Variants in PAFAH1B1 observed in about 807,000 individuals in gnomAD.
The protein encoded by PAFAH1B1 is platelet activating factor acetylhydrolase 1b regulatory subunit 1.
PAFAH1B1 carries 2 observed loss-of-function variants against 57.5 expected under a neutral mutation model. The observed-to-expected ratio is 0.03, with a 90% CI of 0.01 to 0.11. PAFAH1B1 has a LOEUF of 0.11. Ranked by LOEUF, PAFAH1B1 falls within the 10% of genes least tolerant of loss-of-function variation. The pLI is 1.00. For missense variants in PAFAH1B1, 257 were observed against 512.0 expected, an observed-to-expected ratio of 0.50 and a Z score of 4.81; for synonymous variants, 152 against 169.6, an observed-to-expected ratio of 0.90 and a Z score of 0.81.
intron 2 of PAFAH1B1, among the ~76,000 whole-genome samples, chr17:2,663,835 C>G (rs1180917721): frequency 2.6e-5 from 4 of 152,008 alleles, no homozygotes; most frequent in African/African-American, 9.7e-5. Context: ...GCTGGGACTA[C>G]AGGCGCATAC....
chr17:2,604,834 G>A (rs1425585388), intron 1 of PAFAH1B1, among the ~76,000 whole-genome samples: 4 of 152,104 alleles, frequency 2.6e-5, no homozygotes, highest in Admixed American at 6.6e-5. Flanking sequence ...TGGAGTGAAC[G>A]TGGGAGGTCA....
At position 2,610,082 on chromosome 17, in the gene PAFAH1B1, C is replaced by T. The variant is rs560045785; in HGVS notation, c.-191+16076C>T. ...CAAATTATTTGCCCACCTCAGCTTCCCAAAGTGGTCAGATTACTGGCGTGA... is the reference window on the plus strand; with the variant it reads ...CAAATTATTTGCCCACCTCAGCTTCTCAAAGTGGTCAGATTACTGGCGTGA... On this transcript the variant is annotated intron_variant, in intron 1 of 10. Transcript: ENST00000397195. 3.3e-5 allele frequency among the ~76,000 whole-genome samples: 5 copies of T among 152,330 alleles called. No homozygotes were observed. The South Asian group carries it at 1.0e-3, about 32-fold the overall frequency.
At chr17:2,646,833 C>T (rs1419343862) in intron 2 of PAFAH1B1, among the ~76,000 whole-genome samples, 1 of 152,046 alleles carries the variant, frequency 6.6e-6, no homozygotes, top group African/African-American at 2.4e-5. Flanking sequence ...CTAATTTTTT[C>T]AAATCTTAAG....
At chr17:2,627,222 A>G (rs1182300022) in intron 1 of PAFAH1B1, among the ~76,000 whole-genome samples, 3 of 152,160 alleles carry the variant, frequency 2.0e-5, no homozygotes, top group Non-Finnish European at 2.9e-5. Context: ...TTTTAGTTTC[A>G]GGTCTTAGGT....
At chr17:2,649,097 G>A (rs888789951) in intron 2 of PAFAH1B1, among the ~76,000 whole-genome samples, 2 of 151,540 alleles carry the variant, frequency 1.3e-5, no homozygotes, top group East Asian at 1.9e-4. Flanking sequence ...TGTAACCCGA[G>A]CACTTTGGGA....
intron 2 of PAFAH1B1, among the ~76,000 whole-genome samples, chr17:2,644,502 C>T (rs1189076904): frequency 1.3e-5 from 2 of 152,126 alleles, no homozygotes; most frequent in Admixed American, 6.5e-5. Context: ...GCGATCACAC[C>T]CTTGTACTTC....
At chr17:2,643,946 G>A (rs2068731796) in intron 2 of PAFAH1B1, among the ~76,000 whole-genome samples, 2 of 152,172 alleles carry the variant, frequency 1.3e-5, no homozygotes, top group Non-Finnish European at 2.9e-5. Context: ...AGAGCTCACT[G>A]CAGCATTTAA....
At chr17:2,638,395 T>TGG in intron 2 of PAFAH1B1, 75 bp downstream of exon 2, 1 of 1,167,964 alleles carries the variant, frequency 8.6e-7, no homozygotes, top group Admixed American at 1.8e-5. Context: ...AATACAGCTT[T>TGG]GGGAGGTCTC....
intron 2 of PAFAH1B1, chr17:2,662,064 AATC>A (rs1168094999): frequency 6.6e-6 from 1 of 151,822 alleles, no homozygotes; most frequent in African/African-American, 2.4e-5. Context: ...AAAAAAAAAA[AATC>A]TTATGGGTGG....
intron 2 of PAFAH1B1, among the ~76,000 whole-genome samples, chr17:2,649,744 G>C (rs1425278012): frequency 6.6e-6 from 1 of 152,034 alleles, no homozygotes; most frequent in Non-Finnish European, 1.5e-5. Context: ...AACTTGACCA[G>C]CTTGATCTTA....
intron 2 of PAFAH1B1, among the ~76,000 whole-genome samples, chr17:2,644,127 G>A (rs1453329665): frequency 1.3e-5 from 2 of 150,366 alleles, no homozygotes; most frequent in African/African-American, 4.9e-5. Context: ...CCGAGTTGCT[G>A]GGATTACAGG....
chr17:2,662,165 A>G (rs1008027010), intron 2 of PAFAH1B1, among the ~76,000 whole-genome samples: 1 of 152,138 alleles, frequency 6.6e-6, no homozygotes, highest in Non-Finnish European at 1.5e-5. Flanking sequence ...GAAGTCAGCT[A>G]AAGTGCTTAA....
At chr17:2,647,321 G>A (rs575725568) in intron 2 of PAFAH1B1, among the ~76,000 whole-genome samples, 2 of 152,132 alleles carry the variant, frequency 1.3e-5, no homozygotes, top group South Asian at 2.1e-4. Flanking sequence ...AGCCGAGATC[G>A]TGCCACTGCA....
chr17:2,684,393 G>A lies in PAFAH1B1; in HGVS notation c.*2591G>A, dbSNP rs1028506326. On this transcript the variant is annotated 3_prime_UTR_variant, in exon 11 of 11. Coordinates refer to ENST00000397195, the MANE Select transcript of PAFAH1B1 (RefSeq NM_000430.4). ...AGGACAATGATGAGGTTACTGGTTT[G>A]GATTGTAAGTAGAGGACTTTTATTA... The A allele has an allele frequency of 6.6e-6, 1 of 152,600 alleles. No homozygotes were observed. The highest frequency in any genetic ancestry group is 1.5e-5 in the Non-Finnish European group (1 of 68,046). 9.5% of individuals were successfully genotyped at this position (152,600 alleles called of 1,614,324 possible). A position where few individuals can be genotyped will look rare whatever the true frequency, so the allele number is the denominator to read the frequency against.
chr17:2,647,651 A>T (rs900474729), intron 2 of PAFAH1B1, among the ~76,000 whole-genome samples: 4 of 152,220 alleles, frequency 2.6e-5, no homozygotes, highest in African/African-American at 9.6e-5. Flanking sequence ...TCATTGCCAA[A>T]TGTATTCATC....
intron 8 of PAFAH1B1, among the ~76,000 whole-genome samples, chr17:2,675,987 C>G (rs2069259113): frequency 6.6e-6 from 1 of 152,182 alleles, no homozygotes; most frequent in Non-Finnish European, 1.5e-5. Flanking sequence ...AAAACTGAGT[C>G]CTAACCTAAA....
At chr17:2,650,507 A>G (rs181926599) in intron 2 of PAFAH1B1, among the ~76,000 whole-genome samples, 3,554 of 131,804 alleles carry the variant, frequency 0.027, 164 homozygotes, top group African/African-American at 0.098. Context: ...GCAAGACTCC[A>G]TCTAAAAAAA....
chr17:2,621,765 G>T (rs1276596484), intron 1 of PAFAH1B1, among the ~76,000 whole-genome samples: 2 of 151,928 alleles, frequency 1.3e-5, no homozygotes, highest in Non-Finnish European at 2.9e-5. Context: ...GAGACTACAG[G>T]CGTGCGCCAC....
At chr17:2,663,649 C>CTTT (rs1264511884) in intron 2 of PAFAH1B1, among the ~76,000 whole-genome samples, 4 of 151,310 alleles carry the variant, frequency 2.6e-5, no homozygotes, top group Non-Finnish European at 5.9e-5. Flanking sequence ...AGATTGTTGG[C>CTTT]TTAAATATTG....
Sources: allele counts gnomAD v4.1 joint callset (sites outside exome capture counted in the v4.1 genomes callset), GRCh38; gene constraint gnomAD v4.1.1; transcripts MANE v1.5; gene names NCBI Gene and HGNC (gene_info 2026-07-23, HGNC 2026-07-21).